DNAH6: variants seen among roughly 807,000 people sequenced by gnomAD.
DNAH6 encodes the protein axonemal beta dynein heavy chain 6.
In DNAH6, 340 loss-of-function variants were observed where a neutral mutation model predicts 491.4. The ratio of observed to expected loss-of-function variants is 0.69; its 90% CI spans 0.63 to 0.76. DNAH6 has a LOEUF of 0.76. Among genes scored for constraint, DNAH6 ranks in the 30% least tolerant of loss-of-function variants. The pLI, the probability that DNAH6 is intolerant of heterozygous loss-of-function variation, is 0.00. For missense variants in DNAH6, 4,443 were observed against 4,972.2 expected, an observed-to-expected ratio of 0.89 and a Z score of 3.20; for synonymous variants, 1,603 against 1,686.1, an observed-to-expected ratio of 0.95 and a Z score of 1.21.
intron 5 of DNAH6, among the ~76,000 whole-genome samples, chr2:84,545,647 A>G (rs1678702907): frequency 6.6e-6 from 1 of 152,168 alleles, no homozygotes. Context: ...TAGTCCCAGC[A>G]GACTAGAAAG....
chr2:84,517,982 G>A lies in DNAH6; in HGVS notation c.156G>A (p.Thr52=), dbSNP rs1325342779. 6.5e-7 allele frequency: 1 copy of A among 1,541,644 alleles called. No homozygotes were observed. The highest frequency in any genetic ancestry group is 2.0e-5 in the Admixed American group (1 of 50,718). ...TENESDTQIL[T]FRHITKAQEK... is the part of the protein sequence containing the mutation. ...ATGAATCTGATACACAAATCCTAAC[G>A]TTTAGGCACATTACAAAAGCTCAGG... The change falls in exon 2 of 77, where the codon ACG becomes ACA. Residue 52 remains threonine, a synonymous_variant. Coordinates refer to ENST00000389394, the MANE Select transcript of DNAH6 (RefSeq NM_001370.2).
At chr2:84,785,910 C>T (rs1677130522) in intron 67 of DNAH6, among the ~76,000 whole-genome samples, 154 bp downstream of exon 67, 1 of 152,198 alleles carries the variant, frequency 6.6e-6, no homozygotes, top group South Asian at 2.1e-4. Context: ...AATCTCTATA[C>T]TCCCCTTGCC....
rs576144537 is a variant in DNAH6, at chr2:84,589,675, G to A, written c.2610+721G>A. Among the ~76,000 whole-genome samples, 11 of 139,746 alleles carry A rather than the reference G, an allele frequency of 7.9e-5. 1 individual carries two copies. The highest frequency in any genetic ancestry group is 4.2e-4 in the East Asian group (2 of 4,760). The allele number at this position is 139,746 out of a possible 152,430, so 91.7% of individuals were successfully genotyped here. On this transcript the variant is annotated intron_variant, in intron 16 of 76. Transcript: ENST00000389394. Reference sequence around the variant, plus strand: ...TGCGGTGAGCCAAGATCGTGACACCGCACTGCAGCCTAGGTGACAGAGTGA... The same window carrying A: ...TGCGGTGAGCCAAGATCGTGACACCACACTGCAGCCTAGGTGACAGAGTGA...
At chr2:84,619,999 G>T in intron 24 of DNAH6, 95 bp downstream of exon 24, 1 of 1,079,572 alleles carries the variant, frequency 9.3e-7, no homozygotes. Flanking sequence ...TGTTGGCTCA[G>T]CAGTTTCAAG....
At chr2:84,765,443 G>T (rs902409393) in intron 64 of DNAH6, among the ~76,000 whole-genome samples, 1 of 152,050 alleles carries the variant, frequency 6.6e-6, no homozygotes, top group Non-Finnish European at 1.5e-5. Flanking sequence ...AATTAGGAAG[G>T]TTATTAATCA....
At chr2:84,815,820 T>A in intron 75 of DNAH6, 41 bp from the exon 76 acceptor site, 13 of 1,452,392 alleles carry the variant, frequency 9.0e-6, no homozygotes, top group Non-Finnish European at 1.2e-5. Context: ...TGCTGATCCC[T>A]TTTCCCCCAT....
chr2:84,769,256 A>C (rs1212513629), intron 64 of DNAH6, among the ~76,000 whole-genome samples: 1 of 152,200 alleles, frequency 6.6e-6, no homozygotes, highest in Non-Finnish European at 1.5e-5. Context: ...CAGAGAATAA[A>C]AGCCATATTT....
At chr2:84,753,934 C>G (rs562313142) in intron 63 of DNAH6, among the ~76,000 whole-genome samples, 2 of 150,798 alleles carry the variant, frequency 1.3e-5, no homozygotes, top group African/African-American at 4.9e-5. Context: ...AAGTGATTCT[C>G]CTGCCTCAGC....
chr2:84,674,262 G>A (rs531090550), intron 40 of DNAH6, among the ~76,000 whole-genome samples: 11 of 152,270 alleles, frequency 7.2e-5, no homozygotes. Flanking sequence ...CACACTACTG[G>A]CAAGTGGCAA....
At chr2:84,704,007 G>C (rs1696192518) in intron 50 of DNAH6, 60 bp from the exon 51 acceptor site, 1 of 1,318,710 alleles carries the variant, frequency 7.6e-7, no homozygotes, top group African/African-American at 1.5e-5. Context: ...TATTGGCTTT[G>C]TTTTGAATAT....
In DNAH6 at chr2:84,634,593, C is replaced by T. The variant is rs754526776; in HGVS notation, c.4605C>T (p.Ser1535=). 125 of 1,549,926 alleles carry T rather than the reference C, an allele frequency of 8.1e-5. No individual in the cohort carries two copies. The South Asian group carries it at 1.3e-3, about 17-fold the overall frequency. Residue 1535 remains serine (S), a synonymous_variant, in exon 30 of 77, where the codon TCC becomes TCT. Coordinates refer to ENST00000389394, the MANE Select transcript of DNAH6 (RefSeq NM_001370.2). ...ATCGAATTGACATAGAAGTTCTGTC[C>T]GTCATCGCGCAGCAACTCATTACCA... is the stretch of plus-strand genomic sequence containing the variant. ...EFNRIDIEVL[S]VIAQQLITIR...
intron 76 of DNAH6, among the ~76,000 whole-genome samples, chr2:84,817,778 G>T (rs1326845457): frequency 6.6e-6 from 1 of 152,204 alleles, no homozygotes; most frequent in African/African-American, 2.4e-5. Context: ...GAAGACAAAA[G>T]GGAGCTGGTG....
chr2:84,702,699 C>A (rs10178793), intron 49 of DNAH6, among the ~76,000 whole-genome samples: 27,356 of 151,850 alleles, frequency 0.18, 2,663 homozygotes, highest in African/African-American at 0.24. Flanking sequence ...ACCGCCACCA[C>A]GCCCGACTAA....
intron 53 of DNAH6, 55 bp downstream of exon 53, chr2:84,707,074 G>T: frequency 6.8e-7 from 1 of 1,476,570 alleles, no homozygotes; most frequent in Non-Finnish European, 8.9e-7. Context: ...TTCAGAAGTA[G>T]GAAGAAGTTT....
At position 84,577,424 on chromosome 2, in the gene DNAH6, A is replaced by G. The variant is rs115582360; in HGVS notation, c.2076+16A>G. ...ATGCTTAGAGGTAACTATAAACTAG[A>G]AAAAAAAATAATTATTCCTCTACAA... On this transcript the variant is annotated intron_variant, in intron 13 of 76. Transcript: ENST00000389394. 26,014 of 1,488,414 alleles carry G rather than the reference A, an allele frequency of 0.017. 446 individuals are homozygous for G. Among genetic ancestry groups the G allele is most frequent in the Middle Eastern group, 0.072 (410 of 5,690 alleles). 92.2% of individuals were successfully genotyped at this position (1,488,414 alleles called of 1,614,324 possible). A position where few individuals can be genotyped will look rare whatever the true frequency, so the allele number is the denominator to read the frequency against.
chr2:84,540,485 T>C (rs1678143208), intron 4 of DNAH6, among the ~76,000 whole-genome samples: 1 of 152,190 alleles, frequency 6.6e-6, no homozygotes, highest in South Asian at 2.1e-4. Flanking sequence ...CAGATTGAAC[T>C]GCTATTTGAA....
At chr2:84,688,945 T>G (rs1030877182) in intron 45 of DNAH6, among the ~76,000 whole-genome samples, 10 of 152,174 alleles carry the variant, frequency 6.6e-5, no homozygotes, top group Non-Finnish European at 1.3e-4. Flanking sequence ...GCTTCAAAAT[T>G]ATAGCAAAAC....
intron 18 of DNAH6, among the ~76,000 whole-genome samples, chr2:84,598,619 A>G (rs1684908191): frequency 6.6e-6 from 1 of 152,222 alleles, no homozygotes; most frequent in Admixed American, 6.5e-5. Context: ...GCTTTTCACT[A>G]GCAATTTATG....
At chr2:84,564,439 C>T (rs943590641) in intron 11 of DNAH6, among the ~76,000 whole-genome samples, 4 of 151,976 alleles carry the variant, frequency 2.6e-5, no homozygotes, top group East Asian at 1.9e-4. Flanking sequence ...TCATTTTGTG[C>T]GTATGTGGCT....
Sources: allele counts gnomAD v4.1 joint callset (sites outside exome capture counted in the v4.1 genomes callset), GRCh38; gene constraint gnomAD v4.1.1; transcripts MANE v1.5; gene names NCBI Gene and HGNC (gene_info 2026-07-23, HGNC 2026-07-21).